CACNA1H: variants seen among roughly 807,000 people sequenced by gnomAD.
CACNA1H encodes the protein calcium voltage-gated channel subunit alpha1 H, also known as voltage-dependent T-type calcium channel subunit alpha-1H.
CACNA1H carries 149 observed loss-of-function variants against 192.5 expected under a neutral mutation model. The ratio of observed to expected loss-of-function variants is 0.77; its 90% CI spans 0.68 to 0.89. The LOEUF is 0.89. Ranked by LOEUF, CACNA1H falls within the 40% of genes least tolerant of loss-of-function variation. The probability of loss-of-function intolerance (pLI) is 0.00; values close to 1 mark genes in which losing one functional copy is unlikely to be tolerated. For synonymous variants in CACNA1H, 2,202 were observed against 1,475.2 expected, an observed-to-expected ratio of 1.49 and a Z score of -11.29; for missense variants, 4,257 against 3,423.5, an observed-to-expected ratio of 1.24 and a Z score of -6.08.
rs1452959141 is a variant in CACNA1H at position 1,167,948 on chromosome 16, G to A, written c.299+13912G>A. On this transcript the variant is annotated intron_variant, in intron 2 of 34. Transcript: ENST00000348261. This position sits in a 1 kb window ranked among gnomAD's most constrained non-coding sequence, Gnocchi z 4.2. ...ACGTGGGGCCTCAGGAGCCAGGCCT[G>A]TTCCCCGGGGCTGCCTGGAGGCGGC... is the stretch of plus-strand genomic sequence containing the variant. Among the ~76,000 whole-genome samples, 2 of 152,226 alleles carry A rather than the reference G, an allele frequency of 1.3e-5. No individual in the cohort carries two copies. Among genetic ancestry groups the A allele is most frequent in the Non-Finnish European group, 2.9e-5 (2 of 68,036 alleles).
At chr16:1,211,323 T>C (rs1267532385) in intron 22 of CACNA1H, 29 bp downstream of exon 22, 1 of 1,612,216 alleles carries the variant, frequency 6.2e-7, no homozygotes, top group Admixed American at 1.7e-5. Context: ...CCCGGGGGTC[T>C]GCCCCGTCGC....
In CACNA1H at chr16:1,221,012, C is replaced by T. The variant is rs1970446240; in HGVS notation, c.*18C>T. The stretch of plus-strand genomic sequence containing the variant: ...CCGTGTAGCTCGGGGCTTGGTGCCG[C>T]CCACGGCTTTGGCCCTGGGGTCTGG... On this transcript the variant is annotated 3_prime_UTR_variant, in exon 35 of 35. Transcript: ENST00000348261. The T allele has an allele frequency of 1.9e-6, 3 of 1,539,458 alleles. No individual in the cohort carries two copies. Among genetic ancestry groups the T allele is most frequent in the Non-Finnish European group, 2.6e-6 (3 of 1,147,198 alleles).
intron 5 of CACNA1H, among the ~76,000 whole-genome samples, chr16:1,196,713 C>T (rs978904734): frequency 2.0e-5 from 3 of 152,112 alleles, no homozygotes; most frequent in Non-Finnish European, 4.4e-5. Flanking sequence ...GTCTGCTGTG[C>T]GCTGGGTGTG....
chr16:1,200,917 A>T (rs1159502847), intron 8 of CACNA1H, 109 bp downstream of exon 8: 95 of 518,178 alleles, frequency 1.8e-4, no homozygotes, highest in Middle Eastern at 1.2e-3. Flanking sequence ...TTCCAGCTGA[A>T]GGGAGCACAC....
chr16:1,198,692 T>G lies in CACNA1H; in HGVS notation c.721T>G (p.Phe241Val), dbSNP rs56900494. The G allele has an allele frequency of 4.3e-5, 70 of 1,613,354 alleles. No homozygotes were observed. Among genetic ancestry groups the G allele is most frequent in the Middle Eastern group, 1.6e-4 (1 of 6,080 alleles). Residue 241 changes from phenylalanine (F) to valine (V), a missense_variant, in exon 6 of 35, where the codon TTC (phenylalanine) becomes GTC (valine). By Grantham distance (50) the Phe-to-Val change is conservative (BLOSUM62 -1). Transcript: ENST00000348261. The stretch of plus-strand genomic sequence containing the variant: ...CGTCCTTCTGCTGTGCTTCTTCGTC[T>G]TCTTCATTTTCGGCATCGTTGGCGT... ...GNVLLLCFFV[F>V]FIFGIVGVQL...
At chr16:1,168,340 C>T (rs1016655710) in intron 2 of CACNA1H, among the ~76,000 whole-genome samples, 2 of 151,810 alleles carry the variant, frequency 1.3e-5, no homozygotes, top group Non-Finnish European at 2.9e-5. Flanking sequence ...AGGTCTGAAG[C>T]TGGTAGAGTC....
rs1567508644 is a variant in CACNA1H at position 1,200,536 on chromosome 16, GACA to G, written c.1088_1090del (p.Asn363del). On this transcript the variant is annotated inframe_deletion, in exon 7 of 35. Coordinates refer to ENST00000348261, the MANE Select transcript of CACNA1H (RefSeq NM_021098.3). ...CCCCCACAACGGTGCCATCAACTTC[GACA>G]ACATCGGCTACGCCTGGATTGCCAT... 6.2e-7 allele frequency: 1 copy of G among 1,612,252 alleles called. No homozygotes were observed. The highest frequency in any genetic ancestry group is 8.5e-7 in the Non-Finnish European group (1 of 1,179,712).
At chr16:1,161,392 G>A (rs1274606165) in intron 2 of CACNA1H, among the ~76,000 whole-genome samples, 2 of 152,244 alleles carry the variant, frequency 1.3e-5, no homozygotes, top group African/African-American at 4.8e-5. Flanking sequence ...CACCTGGGCA[G>A]AGCCCCCTGG....
intron 22 of CACNA1H, 76 bp downstream of exon 22, chr16:1,211,370 C>T (rs1036714385): frequency 3.2e-5 from 51 of 1,606,664 alleles, no homozygotes; most frequent in Middle Eastern, 3.3e-4. Flanking sequence ...CTCCCAGCAG[C>T]GCCGCTGCGG....
At chr16:1,206,048 AG>A in intron 11 of CACNA1H, 55 bp from the exon 12 acceptor site, 2 of 1,487,578 alleles carry the variant, frequency 1.3e-6, no homozygotes, top group Non-Finnish European at 1.8e-6. Flanking sequence ...CAGTGGGACG[AG>A]GGCCTGGGGT....
chr16:1,158,011 CG>C (rs1488703161), intron 2 of CACNA1H: 4 of 151,428 alleles, frequency 2.6e-5, no homozygotes, highest in Non-Finnish European at 5.9e-5. Context: ...TTGCCCGTGG[CG>C]CCCTTGCCCG....
intron 2 of CACNA1H, among the ~76,000 whole-genome samples, chr16:1,175,634 G>A (rs987596260): frequency 2.6e-5 from 4 of 152,212 alleles, no homozygotes; most frequent in East Asian, 1.9e-4. Flanking sequence ...TCTCATGTCC[G>A]AGAATCTGAA....
chr16:1,192,698 C>T (rs1966728055), intron 2 of CACNA1H, among the ~76,000 whole-genome samples: 2 of 152,192 alleles, frequency 1.3e-5, no homozygotes, highest in African/African-American at 2.4e-5. Context: ...CTAGGGCACC[C>T]TCTGCTCCAG....
In CACNA1H at chr16:1,204,540, C is replaced by G. The variant is rs543442965; in HGVS notation, c.2451+82C>G. 5 of 1,114,630 alleles carry G rather than the reference C, an allele frequency of 4.5e-6. No homozygotes were observed. The African/African-American group carries it at 6.3e-5, about 14-fold the overall frequency. The allele number at this position is 1,114,630 out of a possible 1,614,324, so 69.0% of individuals were successfully genotyped here. ...AGTCTCAGGAGGCTTCCAGCAGCCC[C>G]GATGCCTGACCTGATGGTAGGACGG... is the stretch of plus-strand genomic sequence containing the variant. On this transcript the variant is annotated intron_variant, in intron 10 of 34. Transcript: ENST00000348261.
At chr16:1,153,510 A>G (rs1961843847) in intron 1 of CACNA1H, 40 bp downstream of exon 1, 1 of 265,982 alleles carries the variant, frequency 3.8e-6, no homozygotes, top group African/African-American at 2.6e-5. Flanking sequence ...ACCCTCTTCA[A>G]CTTGCGCGAA....
chr16:1,174,557 G>A (rs924656534), intron 2 of CACNA1H, among the ~76,000 whole-genome samples: 12 of 152,178 alleles, frequency 7.9e-5, no homozygotes, highest in South Asian at 2.1e-4. Flanking sequence ...TGTAGCTCTC[G>A]AAGGGAAGCC....
chr16:1,166,878 G>C (rs1420227949), intron 2 of CACNA1H, among the ~76,000 whole-genome samples: 1 of 152,206 alleles, frequency 6.6e-6, no homozygotes, highest in Non-Finnish European at 1.5e-5. Flanking sequence ...GGCGCTGCCG[G>C]GCCGTCCCTG....
rs1315448028 is a variant in CACNA1H at position 1,213,821 on chromosome 16, C to T, written c.4819C>T (p.Arg1607Cys). ...CTACTATGCCGACTACTCGCCCACG[C>T]GCCGCTCCATTCACTCGCTGTGCAC... ...RPYYADYSPTRRSIHSLCTSH... is the reference protein window; with the variant it reads ...RPYYADYSPTCRSIHSLCTSH... The change falls in exon 27 of 35, where the codon CGC (arginine) becomes TGC (cysteine). Residue 1607 changes from arginine to cysteine, a missense_variant. Arg to Cys is a radical substitution (Grantham distance 180). Coordinates refer to ENST00000348261, the MANE Select transcript of CACNA1H (RefSeq NM_021098.3). 14 of 1,586,434 alleles carry T rather than the reference C, an allele frequency of 8.8e-6. No homozygotes were observed. The highest frequency in any genetic ancestry group is 5.7e-5 in the South Asian group (5 of 87,312).
chr16:1,199,559 C>T (rs1967519424), intron 6 of CACNA1H, among the ~76,000 whole-genome samples: 1 of 150,736 alleles, frequency 6.6e-6, no homozygotes, highest in African/African-American at 2.5e-5. Context: ...AGTCCCAACA[C>T]TTCATCCCCT....
Sources: allele counts gnomAD v4.1 joint callset (sites outside exome capture counted in the v4.1 genomes callset), GRCh38; gene constraint gnomAD v4.1.1; non-coding constraint Gnocchi (gnomAD v3.1); transcripts MANE v1.5; gene names NCBI Gene and HGNC (gene_info 2026-07-23, HGNC 2026-07-21).